UNC13C: variants seen among roughly 807,000 people sequenced by gnomAD.
UNC13C encodes the protein protein unc-13 homolog C.
A neutral mutation model predicts 245.4 loss-of-function variants in UNC13C; 174 were observed. That is an observed-to-expected ratio of 0.71 (90% CI 0.63 to 0.80). The LOEUF (loss-of-function observed/expected upper bound fraction) is 0.80. UNC13C is among the 30% of genes least tolerant of loss of function. The pLI is 0.00. For missense variants in UNC13C, 2,829 were observed against 2,602.9 expected, an observed-to-expected ratio of 1.09 and a Z score of -1.89; for synonymous variants, 992 against 895.1, an observed-to-expected ratio of 1.11 and a Z score of -1.93.
chr15:54,134,147 G>A (rs2031596334), intron 2 of UNC13C, among the ~76,000 whole-genome samples: 1 of 151,294 alleles, frequency 6.6e-6, no homozygotes, highest in African/African-American at 2.4e-5. Context: ...AGTTGTCATG[G>A]TGTGTATTAG....
the UNC13C span, among the ~76,000 whole-genome samples, chr15:53,857,765 G>C: frequency 6.6e-6 from 1 of 152,178 alleles, no homozygotes; most frequent in Admixed American, 6.6e-5. Context: ...GTTGGCAGAT[G>C]ATTAGGAGGA....
In UNC13C at chr15:54,626,999, G is replaced by A. The variant is rs761374080; in HGVS notation, c.6531G>A (p.Met2177Ile). The A allele has an allele frequency of 9.3e-6, 15 of 1,613,282 alleles. No individual in the cohort carries two copies. In the East Asian group the frequency reaches 3.1e-4, roughly 34 times the overall value. ...AWYPLLKNIS[M>I]DETGLTILRI... ...ATCCTCTTCTGAAAAATATCTCTAT[G>A]GATGAAACTGGTTTGACTATCCTTA... is the stretch of plus-strand genomic sequence containing the variant. Residue 2177 changes from methionine (M) to isoleucine (I), a missense_variant, in exon 33 of 33, where the codon ATG becomes ATA. Physicochemically the swap from Met to Ile is conservative, Grantham distance 10. Coordinates refer to ENST00000260323, the MANE Select transcript of UNC13C (RefSeq NM_001080534.3).
At chr15:54,620,384 A>T (rs1900719285) in intron 30 of UNC13C, among the ~76,000 whole-genome samples, 1 of 152,104 alleles carries the variant, frequency 6.6e-6, no homozygotes, top group African/African-American at 2.4e-5. Context: ...ATTTCCTTAG[A>T]CGTTACTTGT....
the UNC13C span, among the ~76,000 whole-genome samples, chr15:53,890,974 C>A: frequency 2.6e-5 from 4 of 152,156 alleles, no homozygotes; most frequent in African/African-American, 9.7e-5. Context: ...AATTTTAGAT[C>A]TTTCCTGCTT....
chr15:54,210,516 A>G (rs1423803705), intron 4 of UNC13C, among the ~76,000 whole-genome samples: 1 of 152,022 alleles, frequency 6.6e-6, no homozygotes, highest in African/African-American at 2.4e-5. Context: ...ATATAGTTTT[A>G]TATATTTTGG....
the UNC13C span, among the ~76,000 whole-genome samples, chr15:53,863,491 G>A: frequency 6.6e-6 from 1 of 152,140 alleles, no homozygotes; most frequent in Non-Finnish European, 1.5e-5. Context: ...TTATCATAAT[G>A]ATATTGTTAT....
chr15:53,857,230 G>A, the UNC13C span, among the ~76,000 whole-genome samples: 7 of 152,234 alleles, frequency 4.6e-5, no homozygotes, highest in Admixed American at 1.3e-4. Flanking sequence ...TGTCTGATTC[G>A]TGGATCTTTG....
At chr15:54,038,124 A>ATTT (rs58063301) in intron 2 of UNC13C, among the ~76,000 whole-genome samples, 7 of 45,032 alleles carry the variant, frequency 1.6e-4, no homozygotes, top group South Asian at 1.2e-3. Context: ...ATATATATAT[A>ATTT]TTTTTTTTTT....
At position 54,627,285 on chromosome 15, in the gene UNC13C, G is replaced by A. The variant is rs1308061932; in HGVS notation, c.*172G>A. On this transcript the variant is annotated 3_prime_UTR_variant, in exon 33 of 33. Coordinates refer to ENST00000260323, the MANE Select transcript of UNC13C (RefSeq NM_001080534.3). ...ACTTTTATACCAATTCTGGTCTTTG[G>A]GAAATCAGTGTTCCATGAAGTGCCA... 1 of 609,416 alleles carries A rather than the reference G, an allele frequency of 1.6e-6. No homozygotes were observed. 37.8% of individuals were successfully genotyped at this position (609,416 alleles called of 1,614,324 possible).
At chr15:54,433,087 T>C (rs1024342379) in intron 19 of UNC13C, among the ~76,000 whole-genome samples, 3 of 151,520 alleles carry the variant, frequency 2.0e-5, no homozygotes, top group Non-Finnish European at 4.4e-5. Context: ...AGTTATGAAA[T>C]TGAGGCATAT....
chr15:54,306,756 A>G (rs2037736178), intron 13 of UNC13C, among the ~76,000 whole-genome samples: 1 of 152,004 alleles, frequency 6.6e-6, no homozygotes, highest in South Asian at 2.1e-4. Flanking sequence ...AGCAAAGGAG[A>G]GGAAAGCATT....
At chr15:54,477,834 A>T (rs879526068) in intron 19 of UNC13C, among the ~76,000 whole-genome samples, 1 of 143,356 alleles carries the variant, frequency 7.0e-6, no homozygotes, top group Non-Finnish European at 1.5e-5. Context: ...AAAATGAGTT[A>T]AGGAGGAGTC....
rs1012697035 is a variant in UNC13C, at chr15:54,507,296, A to G, written c.5379+102A>G. The G allele has an allele frequency of 4.0e-6, 3 of 750,014 alleles. No homozygotes were observed. The African/African-American group carries it at 5.3e-5, about 13-fold the overall frequency. 46.5% of individuals were successfully genotyped at this position (750,014 alleles called of 1,614,324 possible). On this transcript the variant is annotated intron_variant, in intron 23 of 32. Coordinates refer to ENST00000260323, the MANE Select transcript of UNC13C (RefSeq NM_001080534.3). ...AATTGTTGACTTTCAGTTTTCACAT[A>G]GGATAATAAGAAATAAGGATCTTAA...
the UNC13C span, among the ~76,000 whole-genome samples, chr15:53,886,484 G>A: frequency 6.6e-6 from 1 of 152,266 alleles, no homozygotes; most frequent in Admixed American, 6.5e-5. Flanking sequence ...TATGAAATAA[G>A]TATTCATGAG....
intron 22 of UNC13C, among the ~76,000 whole-genome samples, chr15:54,502,908 G>T (rs1894292813): frequency 6.6e-6 from 1 of 152,082 alleles, no homozygotes; most frequent in Admixed American, 6.6e-5. Flanking sequence ...CTGAGCTGCA[G>T]CCACCCGTTT....
chr15:54,228,922 G>A (rs1451631656), intron 4 of UNC13C, among the ~76,000 whole-genome samples: 1 of 152,174 alleles, frequency 6.6e-6, no homozygotes. Flanking sequence ...ACAGCACGAG[G>A]ATTTTCAGTC....
intron 7 of UNC13C, among the ~76,000 whole-genome samples, chr15:54,243,391 G>A (rs886083938): frequency 6.6e-6 from 1 of 152,094 alleles, no homozygotes; most frequent in Non-Finnish European, 1.5e-5. Context: ...ATCATTGATG[G>A]ACATTTGGGT....
At chr15:54,468,117 C>T (rs544101356) in intron 19 of UNC13C, among the ~76,000 whole-genome samples, 120 of 151,606 alleles carry the variant, frequency 7.9e-4, no homozygotes, top group Non-Finnish European at 1.3e-3. Flanking sequence ...ACATTTTCAC[C>T]GGTACTTTTT....
chr15:54,098,001 G>A (rs949728366), intron 2 of UNC13C, among the ~76,000 whole-genome samples: 3 of 152,092 alleles, frequency 2.0e-5, no homozygotes, highest in African/African-American at 7.2e-5. Flanking sequence ...TGCACTGACT[G>A]TTGGAAAAGA....
Sources: gnomAD v4.1 joint callset for allele counts (sites outside exome capture counted in the v4.1 genomes callset) on GRCh38, gnomAD v4.1.1 for gene constraint, MANE v1.5 for transcripts, NCBI Gene and HGNC (gene_info 2026-07-23, HGNC 2026-07-21) for gene names.